Variants in POTEE observed in about 807,000 individuals in gnomAD.
POTEE encodes ANKRD26-like family C member 1A.
A neutral mutation model predicts 74.2 loss-of-function variants in POTEE; 21 were observed. The ratio of observed to expected loss-of-function variants is 0.28; its 90% CI spans 0.20 to 0.41. The LOEUF (loss-of-function observed/expected upper bound fraction) is 0.41, where lower values mean the gene tolerates loss of function less well. POTEE is among the 10% of genes least tolerant of loss of function. The pLI, the probability that POTEE is intolerant of heterozygous loss-of-function variation, is 1.00. For synonymous variants in POTEE, 211 were observed against 432.8 expected, an observed-to-expected ratio of 0.49 and a Z score of 6.36; for missense variants, 525 against 1,158.6, an observed-to-expected ratio of 0.45 and a Z score of 7.94.
At chr2:131,211,963 C>T (rs578084714) in intron 2 of POTEE, among the ~76,000 whole-genome samples, 2 of 151,836 alleles carry the variant, frequency 1.3e-5, no homozygotes, top group East Asian at 3.9e-4. Context: ...TGCACCTGTT[C>T]TTTTTGCTTT....
intron 1 of POTEE, among the ~76,000 whole-genome samples, 56 bp downstream of exon 1, chr2:131,209,875 T>C (rs1280994927): frequency 6.0e-5 from 9 of 151,158 alleles, no homozygotes; most frequent in East Asian, 2.0e-4. Flanking sequence ...GGGTGTCCTA[T>C]TGGGGCTCAC....
At chr2:131,229,505 C>G (rs1353125191) in intron 8 of POTEE, 1 of 152,224 alleles carries the variant, frequency 6.6e-6, no homozygotes, top group Non-Finnish European at 1.5e-5. Context: ...TCACAGGAAG[C>G]CATTGAAGAG....
chr2:131,230,798 T>C (rs778062590), intron 8 of POTEE, 38 bp from the exon 9 acceptor site: 16 of 1,564,244 alleles, frequency 1.0e-5, no homozygotes, highest in African/African-American at 2.8e-5. Context: ...ATATCAGTAT[T>C]AAAATAGTAA....
intron 9 of POTEE, among the ~76,000 whole-genome samples, chr2:131,235,759 AC>A (rs1300421997): frequency 1.5e-5 from 2 of 134,086 alleles, no homozygotes; most frequent in African/African-American, 5.5e-5. Flanking sequence ...GCGCCACTGC[AC>A]TCCAGCCTGG....
chr2:131,235,739 A>G (rs1157769920), intron 9 of POTEE, among the ~76,000 whole-genome samples: 3 of 136,874 alleles, frequency 2.2e-5, no homozygotes, highest in Non-Finnish European at 4.6e-5. Context: ...GGTTGCAGTG[A>G]GCTGAGATTG....
Position 131,211,164 on chromosome 2 carries a change from A to G in POTEE, c.-208A>G, listed in dbSNP as rs1489138233. Among the ~76,000 whole-genome samples the G allele has an allele frequency of 1.3e-5, 2 of 151,772 alleles. No individual in the cohort carries two copies. Among genetic ancestry groups the G allele is most frequent in the Admixed American group, 6.5e-5 (1 of 15,270 alleles). On this transcript the variant is annotated 5_prime_UTR_variant, in exon 2 of 18. Coordinates refer to ENST00000683005, the MANE Select transcript of POTEE (RefSeq NM_001083538.3). ...CGTGTGACTGATGGCAGCCACGGAG[A>G]CTGCAGCTCGACAGGAGTGGTAGGA...
chr2:131,230,208 A>G (rs976248225), intron 8 of POTEE, among the ~76,000 whole-genome samples: 3 of 152,182 alleles, frequency 2.0e-5, no homozygotes, highest in African/African-American at 7.2e-5. Context: ...GACATAGTTG[A>G]GATGCCCTGA....
At chr2:131,213,211 T>G (rs1238876833) in intron 2 of POTEE, among the ~76,000 whole-genome samples, 1 of 152,204 alleles carries the variant, frequency 6.6e-6, no homozygotes, top group East Asian at 1.9e-4. Flanking sequence ...TCCACCCACC[T>G]CGGTCGGCTG....
intron 8 of POTEE, among the ~76,000 whole-genome samples, chr2:131,229,326 C>CT (rs1559180177): frequency 2.0e-5 from 3 of 151,352 alleles, no homozygotes. Context: ...TGTGAGGCAC[C>CT]TTTATATCCT....
rs1573720467 is a variant in POTEE at position 131,235,569 on chromosome 2, G to A, written c.1127-1163G>A. On this transcript the variant is annotated intron_variant, in intron 9 of 17. Coordinates refer to ENST00000683005, the MANE Select transcript of POTEE (RefSeq NM_001083538.3). ...CCAGCATTTTGGGAGGCTGGAGCAGGCAGATCACAAGGTCAAAAGATCAGG... is the reference window on the plus strand; with the variant it reads ...CCAGCATTTTGGGAGGCTGGAGCAGACAGATCACAAGGTCAAAAGATCAGG... Among the ~76,000 whole-genome samples the A allele has an allele frequency of 2.0e-5, 3 of 151,906 alleles. No homozygotes were observed. The East Asian group carries it at 5.8e-4, about 29-fold the overall frequency.
chr2:131,224,736 T>TGA, intron 6 of POTEE, among the ~76,000 whole-genome samples: 1 of 151,070 alleles, frequency 6.6e-6, no homozygotes, highest in South Asian at 2.1e-4. Context: ...GGTTGTAAAC[T>TGA]ACCTAGAGAT....
intron 6 of POTEE, among the ~76,000 whole-genome samples, chr2:131,225,460 A>T (rs1700752284): frequency 6.8e-6 from 1 of 147,252 alleles, no homozygotes; most frequent in Non-Finnish European, 1.5e-5. Context: ...TCAATACTTA[A>T]ATGTAATATG....
In POTEE at chr2:131,238,193, G is replaced by T; in HGVS notation, c.1198-1G>T. On this transcript the variant is annotated splice_acceptor_variant, in intron 10 of 17. Coordinates refer to ENST00000683005, the MANE Select transcript of POTEE (RefSeq NM_001083538.3). LOFTEE classifies it high-confidence loss of function. ...TTAACCTTCTGTTTTTGCCTCTGCAGAAAATGTCTCAAGAACTAGAAATAA... is the reference window on the plus strand; with the variant it reads ...TTAACCTTCTGTTTTTGCCTCTGCATAAAATGTCTCAAGAACTAGAAATAA... The T allele has an allele frequency of 6.2e-7, 1 of 1,605,572 alleles. No individual in the cohort carries two copies. The highest frequency in any genetic ancestry group is 1.1e-5 in the South Asian group (1 of 90,090).
intron 9 of POTEE, 145 bp downstream of exon 9, chr2:131,231,051 G>C: frequency 3.0e-6 from 2 of 660,200 alleles, no homozygotes; most frequent in Non-Finnish European, 5.2e-6. Flanking sequence ...TACATTTATT[G>C]TGCTACTTTA....
intron 4 of POTEE, among the ~76,000 whole-genome samples, chr2:131,219,757 G>T (rs1052603912): frequency 7.9e-5 from 12 of 151,588 alleles, no homozygotes; most frequent in South Asian, 6.2e-4. Flanking sequence ...AAAAAAGATG[G>T]GAGCTTTTTC....
chr2:131,230,867 A>G lies in POTEE; in HGVS notation c.1087A>G (p.Lys363Glu), dbSNP rs1382212381. ...CCAGTTACTTTCTGACTACAAAGAA[A>G]AACAGATGCTAAAAATCTCTTCTGA... The part of the protein sequence containing the change: ...ICQLLSDYKE[K>E]QMLKISSENS... The change falls in exon 9 of 18, where the codon AAA (lysine) becomes GAA (glutamate). Residue 363 changes from lysine to glutamate, a missense_variant. Transcript: ENST00000683005. 3.4e-6 allele frequency: 5 copies of G among 1,457,206 alleles called. No homozygotes were observed. Among genetic ancestry groups the G allele is most frequent in the African/African-American group, 1.4e-5 (1 of 69,600 alleles). 90.3% of individuals were successfully genotyped at this position (1,457,206 alleles called of 1,614,324 possible).
intron 2 of POTEE, among the ~76,000 whole-genome samples, chr2:131,217,107 TAAA>T (rs1403732429): frequency 7.0e-4 from 105 of 149,938 alleles, no homozygotes; most frequent in Admixed American, 1.4e-3. Flanking sequence ...TGAAAAAAGT[TAAA>T]AAATATGTGG....
At chr2:131,220,405 C>T (rs1700581440) in intron 4 of POTEE, among the ~76,000 whole-genome samples, 1 of 151,842 alleles carries the variant, frequency 6.6e-6, no homozygotes, top group Non-Finnish European at 1.5e-5. Context: ...GGGGTTTCAC[C>T]ATCTTGGCCA....
At chr2:131,226,723 T>C (rs1700790567) in intron 6 of POTEE, 100 bp from the exon 7 acceptor site, 13 of 1,564,142 alleles carry the variant, frequency 8.3e-6, no homozygotes, top group South Asian at 5.8e-5. Context: ...TTACTTTCTA[T>C]GCGTGTAAGT....
Sources: gnomAD v4.1 joint callset for allele counts (sites outside exome capture counted in the v4.1 genomes callset) on GRCh38, gnomAD v4.1.1 for gene constraint, MANE v1.5 for transcripts, NCBI Gene and HGNC (gene_info 2026-07-23, HGNC 2026-07-21) for gene names.